NOL10: variants seen among roughly 807,000 people sequenced by gnomAD.
The protein encoded by NOL10 is nucleolar protein 10.
A neutral mutation model predicts 103.5 loss-of-function variants in NOL10; 58 were observed. The observed-to-expected ratio is 0.56, with a 90% confidence interval of 0.45 to 0.70. The LOEUF (loss-of-function observed/expected upper bound fraction) is 0.70, where lower values mean the gene tolerates loss of function less well. NOL10 is among the 30% of genes least tolerant of loss of function. NOL10 has a pLI of 0.00. For missense variants in NOL10, 763 were observed against 807.3 expected (o/e 0.95, Z 0.67); for synonymous variants, 287 against 282.5 (o/e 1.02, Z -0.16).
intron 13 of NOL10, among the ~76,000 whole-genome samples, chr2:10,627,469 A>C (rs942983581): frequency 6.6e-6 from 1 of 152,038 alleles, no homozygotes; most frequent in African/African-American, 2.4e-5. Flanking sequence ...AGGTCAGGAG[A>C]TCGAGACTAT....
chr2:10,668,051 A>T (rs1273392497), intron 7 of NOL10, among the ~76,000 whole-genome samples: 3 of 152,188 alleles, frequency 2.0e-5, no homozygotes, highest in Non-Finnish European at 4.4e-5. Context: ...TCTGAGCCTC[A>T]GCTGCCCTAT....
chr2:10,646,939 C>T (rs1269946897), intron 12 of NOL10, among the ~76,000 whole-genome samples: 8 of 152,098 alleles, frequency 5.3e-5, no homozygotes, highest in Non-Finnish European at 8.8e-5. Context: ...AAAAGATAAC[C>T]GTAAGTACAG....
chr2:10,671,409 CT>C (rs5829273), intron 6 of NOL10, 144 bp downstream of exon 6: 91,870 of 452,414 alleles, frequency 0.2, 30 homozygotes, highest in East Asian at 0.26. Context: ...GTTTTCTTTT[CT>C]TTTTTTTTTT....
intron 11 of NOL10, among the ~76,000 whole-genome samples, chr2:10,657,182 G>C (rs1558329019): frequency 6.6e-6 from 1 of 152,108 alleles, no homozygotes; most frequent in East Asian, 1.9e-4. Context: ...AGCTGGGCAT[G>C]GTGACATGCA....
intron 13 of NOL10, among the ~76,000 whole-genome samples, chr2:10,610,920 T>C (rs6721510): frequency 0.59 from 89,975 of 152,068 alleles, 27,634 homozygotes; most frequent in African/African-American, 0.74. Flanking sequence ...CATTGCTGTA[T>C]TCTATGCTTC....
At chr2:10,657,105 G>A (rs1558328921) in intron 11 of NOL10, among the ~76,000 whole-genome samples, 1 of 152,254 alleles carries the variant, frequency 6.6e-6, no homozygotes, top group East Asian at 1.9e-4. Flanking sequence ...GATCATTTGA[G>A]GCCAGGAGTT....
chr2:10,641,174 CAAAAAAA>C (rs35267200), intron 13 of NOL10, among the ~76,000 whole-genome samples: 8 of 99,462 alleles, frequency 8.0e-5, no homozygotes, highest in Non-Finnish European at 1.1e-4. Flanking sequence ...TACAAAAATA[CAAAAAAA>C]AAAAAAAAAA....
intron 17 of NOL10, among the ~76,000 whole-genome samples, chr2:10,591,416 A>AGG (rs1480113392): frequency 1.3e-5 from 2 of 152,152 alleles, no homozygotes; most frequent in Non-Finnish European, 2.9e-5. Flanking sequence ...AAAGATGAGT[A>AGG]GGTTTCAACA....
intron 13 of NOL10, chr2:10,622,153 G>A (rs1275417641): frequency 9.4e-6 from 4 of 426,788 alleles, no homozygotes; most frequent in Admixed American, 2.7e-5. Flanking sequence ...TTAGAGAACT[G>A]GAAAATGTAG....
intron 13 of NOL10, among the ~76,000 whole-genome samples, chr2:10,620,802 G>A (rs1266741167): frequency 6.6e-6 from 1 of 152,114 alleles, no homozygotes; most frequent in Non-Finnish European, 1.5e-5. Context: ...TTTTGTTGTT[G>A]TTGTTGTTTT....
At chr2:10,652,814 A>G (rs1031932058) in intron 12 of NOL10, among the ~76,000 whole-genome samples, 1 of 151,632 alleles carries the variant, frequency 6.6e-6, no homozygotes, top group African/African-American at 2.4e-5. Flanking sequence ...CACATTTTCT[A>G]CTGGACGCCA....
At chr2:10,608,443 G>A (rs940055095) in intron 13 of NOL10, among the ~76,000 whole-genome samples, 12 of 152,166 alleles carry the variant, frequency 7.9e-5, no homozygotes, top group African/African-American at 2.9e-4. Flanking sequence ...CACCCGCTGA[G>A]GTCAATGTAT....
At chr2:10,661,683 T>C (rs977591578) in intron 9 of NOL10, among the ~76,000 whole-genome samples, 11 of 152,188 alleles carry the variant, frequency 7.2e-5, no homozygotes, top group Non-Finnish European at 1.3e-4. Context: ...TATTAGTTCT[T>C]ATAGATTTTC....
chr2:10,666,132 C>T (rs1350047251), intron 8 of NOL10, among the ~76,000 whole-genome samples: 2 of 152,150 alleles, frequency 1.3e-5, no homozygotes, highest in African/African-American at 4.8e-5. Flanking sequence ...AGTGAGAACA[C>T]GCAGTATTTG....
chr2:10,593,443 A>C lies in NOL10; in HGVS notation c.1423-3692T>G, dbSNP rs115093817. 4.7e-3 allele frequency among the ~76,000 whole-genome samples: 721 copies of C among 152,148 alleles called. 3 individuals carry two copies. Among genetic ancestry groups the C allele is most frequent in the African/African-American group, 0.016 (663 of 41,508 alleles). ...TGAGCCACTGCACCCCGGCCAATCA[A>C]ATTAGTTCTTTCAATGCTATGATAC... is the stretch of plus-strand genomic sequence containing the variant. On this transcript the variant is annotated intron_variant, in intron 17 of 20. Coordinates refer to ENST00000381685, the MANE Select transcript of NOL10 (RefSeq NM_024894.4).
chr2:10,635,248 T>C, intron 13 of NOL10, among the ~76,000 whole-genome samples: 1 of 152,262 alleles, frequency 6.6e-6, no homozygotes, highest in Non-Finnish European at 1.5e-5. Flanking sequence ...TGGAGTCATG[T>C]TGGCACTCAA....
chr2:10,608,269 C>T (rs1676364128), intron 13 of NOL10, among the ~76,000 whole-genome samples: 1 of 152,038 alleles, frequency 6.6e-6, no homozygotes, highest in African/African-American at 2.4e-5. Flanking sequence ...CAATGAAAGG[C>T]TGAGGAACAA....
At chr2:10,667,907 A>G (rs537896904) in intron 7 of NOL10, among the ~76,000 whole-genome samples, 2 of 152,320 alleles carry the variant, frequency 1.3e-5, no homozygotes, top group East Asian at 1.9e-4. Flanking sequence ...TCTTATCACA[A>G]CATGTTCACC....
At chr2:10,644,454 C>T (rs1461912233) in intron 12 of NOL10, 82 bp from the exon 13 acceptor site, 4 of 970,036 alleles carry the variant, frequency 4.1e-6, no homozygotes, top group Non-Finnish European at 6.0e-6. Context: ...TCTGAAATGC[C>T]TGAGGAACTT....
Sources: gnomAD v4.1 joint callset for allele counts (sites outside exome capture counted in the v4.1 genomes callset) on GRCh38, gnomAD v4.1.1 for gene constraint, MANE v1.5 for transcripts, NCBI Gene and HGNC (gene_info 2026-07-23, HGNC 2026-07-21) for gene names.